The following MOBP variants were observed in gnomAD, a reference collection of about 807,000 sequenced individuals.
The protein encoded by MOBP is myelin associated oligodendrocyte basic protein.
In MOBP, 5 loss-of-function variants were observed where a neutral mutation model predicts 15.0. The ratio of observed to expected loss-of-function variants is 0.33; its 90% CI spans 0.17 to 0.70. The LOEUF (loss-of-function observed/expected upper bound fraction) is 0.70. Ranked by LOEUF, MOBP falls within the 30% of genes least tolerant of loss-of-function variation. The pLI, the probability that MOBP is intolerant of heterozygous loss-of-function variation, is 0.67. For missense variants in MOBP, 188 were observed against 257.8 expected, an observed-to-expected ratio of 0.73 and a Z score of 1.85; for synonymous variants, 88 against 99.0, an observed-to-expected ratio of 0.89 and a Z score of 0.66.
At chr3:39,479,780 A>G (rs1252570644) in intron 1 of MOBP, among the ~76,000 whole-genome samples, 2 of 151,966 alleles carry the variant, frequency 1.3e-5, no homozygotes, top group East Asian at 3.8e-4. Context: ...GATTTTCTAT[A>G]TAATGACAGT....
At position 39,469,007 on chromosome 3, in the gene MOBP, CATATATACATATGTGTGTAT is replaced by C. The variant is rs2042406377; in HGVS notation, c.-89+1280_-89+1299del. Among the ~76,000 whole-genome samples, 5 of 77,198 alleles carry C rather than the reference CATATATACATATGTGTGTAT, an allele frequency of 6.5e-5. No individual in the cohort carries two copies. In the Admixed American group the frequency reaches 6.6e-4, roughly 10 times the overall value. 50.6% of individuals were successfully genotyped at this position (77,198 alleles called of 152,430 possible). ...ATATACATATGTGTGTGTATATATA[CATATATACATATGTGTGTAT>C]ATATATACATATATACATATGTGTG... is the stretch of plus-strand genomic sequence containing the variant. On this transcript the variant is annotated intron_variant, in intron 1 of 3. Coordinates refer to ENST00000684792, the MANE Select transcript of MOBP (RefSeq NM_001393704.1).
At chr3:39,486,214 G>C (rs970347212) in intron 2 of MOBP, among the ~76,000 whole-genome samples, 1 of 152,172 alleles carries the variant, frequency 6.6e-6, no homozygotes, top group African/African-American at 2.4e-5. Flanking sequence ...TACTAGCTCT[G>C]TGATCTTGGT....
chr3:39,502,380 CCG>C lies in MOBP; in HGVS notation c.206+106_206+107del. On this transcript the variant is annotated intron_variant, in intron 3 of 3. Coordinates refer to ENST00000684792, the MANE Select transcript of MOBP (RefSeq NM_001393704.1). This position sits in a 1 kb window ranked among gnomAD's most constrained non-coding sequence, Gnocchi z 6.3. ...ACCCCACTCTTCCCCCTAGTCGGCT[CCG>C]GGTTAGGCTCCGACACCGGAAGGCA... 1.3e-6 allele frequency: 2 copies of C among 1,553,728 alleles called. No individual in the cohort carries two copies. The highest frequency in any genetic ancestry group is 1.7e-6 in the Non-Finnish European group (2 of 1,152,436).
chr3:39,513,295 C>A, intron 4 of MOBP: 2 of 1,250,738 alleles, frequency 1.6e-6, no homozygotes, highest in Non-Finnish European at 1.1e-6. Flanking sequence ...TCAAAATCCA[C>A]AATTATACTA....
chr3:39,494,998 C>T (rs1231968111), intron 2 of MOBP, among the ~76,000 whole-genome samples: 9 of 152,118 alleles, frequency 5.9e-5, no homozygotes, highest in African/African-American at 2.2e-4. Flanking sequence ...GGTATTTTTG[C>T]TCCACCACCT....
rs2043149013 is a variant in MOBP, at chr3:39,513,534, C to T, written c.*151C>T. 4 of 1,126,988 alleles carry T rather than the reference C, an allele frequency of 3.5e-6. No individual in the cohort carries two copies. In the African/African-American group the frequency reaches 4.7e-5, roughly 13 times the overall value. 69.8% of individuals were successfully genotyped at this position (1,126,988 alleles called of 1,614,324 possible). ...GCTTCAAATATTATGCAGGGGCAAACACCTGCTGATGTGGCAACTGCTGAT... is the reference window on the plus strand; with the variant it reads ...GCTTCAAATATTATGCAGGGGCAAATACCTGCTGATGTGGCAACTGCTGAT... On this transcript the variant is annotated 3_prime_UTR_variant, in exon 5 of 5. Transcript: ENST00000311042.
chr3:39,513,431 G>A, exon 5 of MOBP: 1 of 1,613,906 alleles, frequency 6.2e-7, no homozygotes, highest in Admixed American at 1.7e-5. Context: ...GACCAAGGAG[G>A]AGTTTAAACT....
chr3:39,470,963 T>C (rs1232381155), intron 1 of MOBP, among the ~76,000 whole-genome samples: 1 of 152,126 alleles, frequency 6.6e-6, no homozygotes, highest in Non-Finnish European at 1.5e-5. Flanking sequence ...ATTTTCAGTA[T>C]ACTGAGAGCA....
chr3:39,484,699 A>G (rs1357170469), intron 2 of MOBP, among the ~76,000 whole-genome samples: 1 of 152,232 alleles, frequency 6.6e-6, no homozygotes, highest in Non-Finnish European at 1.5e-5. Context: ...TTGAATGTTT[A>G]TCTGGCCCCA....
intron 2 of MOBP, among the ~76,000 whole-genome samples, chr3:39,499,034 C>G (rs1324412306): frequency 6.6e-6 from 1 of 152,078 alleles, no homozygotes; most frequent in African/African-American, 2.4e-5. Context: ...GCTAAATTTT[C>G]TGTTATTTGT....
At chr3:39,506,471 A>T (rs1010919625), downstream of MOBP, among the ~76,000 whole-genome samples, 4 of 138,106 alleles carry the variant, frequency 2.9e-5, no homozygotes, top group African/African-American at 1.4e-4. Context: ...AGAGCCAATT[A>T]AAAAAAAGCA....
At chr3:39,509,931 A>G (rs1051389631) in intron 4 of MOBP, among the ~76,000 whole-genome samples, 1 of 152,130 alleles carries the variant, frequency 6.6e-6, no homozygotes, top group African/African-American at 2.4e-5. Flanking sequence ...ATTTTCTTGT[A>G]GAAATTTTAA....
rs1019034832 is a variant in MOBP at position 39,480,068 on chromosome 3, C to A, written c.-60C>A. ...AAAAAAAAAAAGAAGCAAATGATAC[C>A]AAGACAAGCTCATAACAGAGATCCA... On this transcript the variant is annotated 5_prime_UTR_variant, in exon 2 of 4. Coordinates refer to ENST00000684792, the MANE Select transcript of MOBP (RefSeq NM_001393704.1). 4 of 151,224 alleles carry A rather than the reference C, an allele frequency of 2.6e-5. No homozygotes were observed. In the South Asian group the frequency reaches 8.3e-4, roughly 31 times the overall value. The allele number at this position is 151,224 out of a possible 1,614,324, so 9.4% of individuals were successfully genotyped here.
chr3:39,507,121 C>A (rs2043058736), downstream of MOBP, among the ~76,000 whole-genome samples: 2 of 152,210 alleles, frequency 1.3e-5, no homozygotes, highest in Non-Finnish European at 2.9e-5. Context: ...AATTATGACT[C>A]ACGTGTGATG....
At chr3:39,514,456 A>G (rs988280472) in exon 5 of MOBP, 1 of 151,758 alleles carries the variant, frequency 6.6e-6, no homozygotes, top group Non-Finnish European at 1.5e-5. Flanking sequence ...CAGAGTTCCT[A>G]TTTCCACATC....
chr3:39,498,353 T>C (rs2042916312), intron 2 of MOBP, among the ~76,000 whole-genome samples: 1 of 152,114 alleles, frequency 6.6e-6, no homozygotes. Context: ...TTTTTGTTTT[T>C]ATTTTTTTGT....
At chr3:39,492,049 G>A (rs1009048272) in intron 2 of MOBP, among the ~76,000 whole-genome samples, 1 of 152,178 alleles carries the variant, frequency 6.6e-6, no homozygotes, top group African/African-American at 2.4e-5. Context: ...CTGGGAGGCT[G>A]TCTAAGCCAA....
chr3:39,524,894 TTAGA>T (rs1161066772), downstream of MOBP: 1 of 152,034 alleles, frequency 6.6e-6, no homozygotes, highest in Non-Finnish European at 1.5e-5. Flanking sequence ...CATACACACA[TTAGA>T]TAGATAAATT....
intron 2 of MOBP, among the ~76,000 whole-genome samples, chr3:39,491,986 A>G (rs950515650): frequency 2.6e-5 from 4 of 152,148 alleles, no homozygotes; most frequent in African/African-American, 9.7e-5. Context: ...GCCTCTAGAA[A>G]AGGCTGCCCT....
Sources: gnomAD v4.1 joint callset for allele counts (sites outside exome capture counted in the v4.1 genomes callset) on GRCh38, gnomAD v4.1.1 for gene constraint, Gnocchi (gnomAD v3.1) non-coding constraint, MANE v1.5 for transcripts, NCBI Gene and HGNC (gene_info 2026-07-23, HGNC 2026-07-21) for gene names.